Variants in TARP observed in about 807,000 individuals in gnomAD.
chr7:38,271,115 G>C, the TARP span, among the ~76,000 whole-genome samples: 9 of 150,962 alleles, frequency 6.0e-5, no homozygotes, highest in Non-Finnish European at 1.3e-4. Context: ...TTAATGGTCT[G>C]ACTGTGCTTG....
chr7:38,267,819 T>C, the TARP span, among the ~76,000 whole-genome samples: 3 of 151,528 alleles, frequency 2.0e-5, no homozygotes, highest in Non-Finnish European at 4.4e-5. Context: ...CTAATTTTCA[T>C]CCTAAGAACT....
chr7:38,266,661 G>T, the TARP span, among the ~76,000 whole-genome samples: 15 of 151,366 alleles, frequency 9.9e-5, no homozygotes, highest in Non-Finnish European at 1.9e-4. Flanking sequence ...ATCTACTTCC[G>T]CATGTACATA....
At chr7:38,267,596 T>C in the TARP span, among the ~76,000 whole-genome samples, 1 of 151,030 alleles carries the variant, frequency 6.6e-6, no homozygotes, top group Non-Finnish European at 1.5e-5. Flanking sequence ...GAGCATGCTA[T>C]AAATTTAATT....
At chr7:38,266,094 A>G in the TARP span, among the ~76,000 whole-genome samples, 1 of 151,446 alleles carries the variant, frequency 6.6e-6, no homozygotes, top group Non-Finnish European at 1.5e-5. Flanking sequence ...GGAAAGTGGA[A>G]GGTCAGAAAA....
the TARP span, among the ~76,000 whole-genome samples, chr7:38,267,497 A>T: frequency 6.6e-6 from 1 of 151,420 alleles, no homozygotes; most frequent in Non-Finnish European, 1.5e-5. Context: ...TCAGAAGAAA[A>T]GAAAACAGTC....
At chr7:38,265,487 T>A in the TARP span, 1 of 1,612,214 alleles carries the variant, frequency 6.2e-7, no homozygotes, top group Non-Finnish European at 8.5e-7. Flanking sequence ...GTGTCGTTAG[T>A]CTTCATGGTG....
the TARP span, among the ~76,000 whole-genome samples, chr7:38,271,107 A>T: frequency 6.6e-6 from 1 of 151,102 alleles, no homozygotes; most frequent in East Asian, 1.9e-4. Flanking sequence ...GTATATATTT[A>T]ATGGTCTGAC....
chr7:38,265,793 T>A, the TARP span: 3 of 789,600 alleles, frequency 3.8e-6, no homozygotes, highest in Non-Finnish European at 4.1e-6. Context: ...ATTGAGCTGG[T>A]GTCCACTGCG....
At chr7:38,271,443 A>C in the TARP span, among the ~76,000 whole-genome samples, 1 of 151,508 alleles carries the variant, frequency 6.6e-6, no homozygotes, top group Non-Finnish European at 1.5e-5. Flanking sequence ...CATATTAAAA[A>C]ATGTTCTTCT....
the TARP span, chr7:38,265,482 G>A: frequency 0.12 from 200,503 of 1,610,342 alleles, 13,680 homozygotes; most frequent in South Asian, 0.18. Context: ...TGTATGTGTC[G>A]TTAGTCTTCA....
the TARP span, chr7:38,265,562 C>G: frequency 6.2e-7 from 1 of 1,612,028 alleles, no homozygotes; most frequent in East Asian, 2.2e-5. Context: ...TTAATAACAT[C>G]AGGGAAAAAT....
At chr7:38,270,067 A>C in the TARP span, among the ~76,000 whole-genome samples, 1 of 151,956 alleles carries the variant, frequency 6.6e-6, no homozygotes, top group African/African-American at 2.4e-5. Flanking sequence ...ACACCACTGC[A>C]CTCCTGCCTG....
chr7:38,262,207 T>C, the TARP span: 10 of 1,611,766 alleles, frequency 6.2e-6, no homozygotes, highest in Admixed American at 1.7e-4. Context: ...TTGGGATCCA[T>C]TGTGATGACA....
At chr7:38,272,518 G>A in the TARP span, among the ~76,000 whole-genome samples, 1 of 139,288 alleles carries the variant, frequency 7.2e-6, no homozygotes, top group Middle Eastern at 3.4e-3. Context: ...TTCCAACTTT[G>A]TAAAACAAAC....
the TARP span, chr7:38,259,783 A>G: frequency 3.4e-6 from 1 of 297,098 alleles, no homozygotes; most frequent in African/African-American, 2.2e-5. Context: ...TAAGAGAGGG[A>G]CAAGGCTAGA....
At chr7:38,261,987 A>G in the TARP span, among the ~76,000 whole-genome samples, 1 of 151,688 alleles carries the variant, frequency 6.6e-6, no homozygotes, top group Non-Finnish European at 1.5e-5. Flanking sequence ...ATTTACAGTC[A>G]TCTCATACCC....
the TARP span, chr7:38,265,651 G>C: frequency 6.9e-5 from 110 of 1,605,662 alleles, no homozygotes; most frequent in Non-Finnish European, 9.2e-5. Context: ...AGTGGGCTTG[G>C]GGGAAACATC....
chr7:38,269,172 A>G, the TARP span, among the ~76,000 whole-genome samples: 4 of 151,966 alleles, frequency 2.6e-5, no homozygotes, highest in Non-Finnish European at 4.4e-5. Context: ...TCCACTCTGT[A>G]GAGTCTATCA....
At chr7:38,271,588 T>C in the TARP span, among the ~76,000 whole-genome samples, 1 of 151,570 alleles carries the variant, frequency 6.6e-6, no homozygotes, top group Non-Finnish European at 1.5e-5. Flanking sequence ...ATTTGGTCAT[T>C]ATTACTTGGG....
Sources: allele counts gnomAD v4.1 joint callset (sites outside exome capture counted in the v4.1 genomes callset), GRCh38; gene constraint gnomAD v4.1.1; transcripts MANE v1.5.